The following FHIP2A variants were observed in gnomAD, a reference collection of about 807,000 sequenced individuals.
FHIP2A encodes family with sequence similarity 160 member B1.
In FHIP2A, 46 loss-of-function variants were observed where a neutral mutation model predicts 93.5. That is an observed-to-expected ratio of 0.49 (90% confidence interval 0.39 to 0.63). The LOEUF (loss-of-function observed/expected upper bound fraction) is 0.63, where lower values mean the gene tolerates loss of function less well. Ranked by LOEUF, FHIP2A falls within the 20% of genes least tolerant of loss-of-function variation. The pLI is 0.00. For synonymous variants in FHIP2A, 332 were observed against 326.5 expected, an observed-to-expected ratio of 1.02 and a Z score of -0.18; for missense variants, 769 against 909.7, an observed-to-expected ratio of 0.85 and a Z score of 1.99.
At chr10:114,870,145 C>G (rs1344615126) in intron 16 of FHIP2A, among the ~76,000 whole-genome samples, 2 of 152,152 alleles carry the variant, frequency 1.3e-5, no homozygotes, top group South Asian at 4.1e-4. Context: ...TGTTTTGGCC[C>G]TTCCTCCAGT....
At chr10:114,884,436 G>A (rs948475233) in intron 16 of FHIP2A, among the ~76,000 whole-genome samples, 8 of 152,174 alleles carry the variant, frequency 5.3e-5, no homozygotes, top group Non-Finnish European at 7.3e-5. Context: ...TAAGAACTTA[G>A]CAAATCACTT....
intron 14 of FHIP2A, among the ~76,000 whole-genome samples, chr10:114,858,232 A>G (rs1275249845): frequency 6.6e-6 from 1 of 152,228 alleles, no homozygotes; most frequent in Non-Finnish European, 1.5e-5. Flanking sequence ...GCTTGTTTTA[A>G]AGTTATTACC....
intron 16 of FHIP2A, among the ~76,000 whole-genome samples, chr10:114,877,993 C>T (rs930617791): frequency 6.6e-6 from 1 of 152,062 alleles, no homozygotes; most frequent in Non-Finnish European, 1.5e-5. Context: ...CCCCTACTCC[C>T]ACCTTCCCCC....
At chr10:114,852,968 A>T (rs1156258809) in intron 13 of FHIP2A, among the ~76,000 whole-genome samples, 1 of 152,212 alleles carries the variant, frequency 6.6e-6, no homozygotes, top group Non-Finnish European at 1.5e-5. Flanking sequence ...CAACATCCAG[A>T]TTAAATGCCA....
chr10:114,841,297 T>TG (rs1462911483), intron 5 of FHIP2A, among the ~76,000 whole-genome samples: 3 of 150,230 alleles, frequency 2.0e-5, no homozygotes, highest in African/African-American at 7.3e-5. Context: ...CATTGGTTTT[T>TG]TTTTTTTTTT....
chr10:114,858,564 G>A (rs533505518), intron 14 of FHIP2A, among the ~76,000 whole-genome samples: 18 of 148,018 alleles, frequency 1.2e-4, no homozygotes, highest in African/African-American at 4.2e-4. Flanking sequence ...GACTTAAGTT[G>A]TATTTTAAAT....
Position 114,846,600 on chromosome 10 carries a change from A to G in FHIP2A, c.1440A>G (p.Gln480=). The part of the protein sequence containing the change: ...MTLRMFEHLL[Q]KPNEHILYNL... ...TACGAATGTTTGAACATCTTTTACA[A>G]AAACCCAATGAGCACATTCTTTACA... Residue 480 remains glutamine, a synonymous_variant, in exon 11 of 17, where the codon CAA becomes CAG. Coordinates refer to ENST00000369248, the MANE Select transcript of FHIP2A (RefSeq NM_020940.4). 1 of 1,606,496 alleles carries G rather than the reference A, an allele frequency of 6.2e-7. No individual in the cohort carries two copies. Among genetic ancestry groups the G allele is most frequent in the Non-Finnish European group, 8.5e-7 (1 of 1,178,244 alleles).
chr10:114,897,437 G>A (rs2084006291), intron 16 of FHIP2A, among the ~76,000 whole-genome samples: 1 of 152,284 alleles, frequency 6.6e-6, no homozygotes, highest in South Asian at 2.1e-4. Context: ...GAAATTAAAT[G>A]TATGTTCAAA....
chr10:114,821,979 C>A lies in FHIP2A; in HGVS notation c.-100C>A. The stretch of plus-strand genomic sequence containing the variant: ...GTCCTCCCCGCCCCGCACCGGCCTT[C>A]ACTCTGGAGCGGCCCCGGCAGCCGC... On this transcript the variant is annotated 5_prime_UTR_variant, in exon 1 of 17. Coordinates refer to ENST00000369248, the MANE Select transcript of FHIP2A (RefSeq NM_020940.4). The A allele has an allele frequency of 1.4e-6, 1 of 694,202 alleles. No homozygotes were observed. The highest frequency in any genetic ancestry group is 2.0e-6 in the Non-Finnish European group (1 of 497,786). The allele number at this position is 694,202 out of a possible 1,614,324, so 43.0% of individuals were successfully genotyped here. A position where few individuals can be genotyped will look rare whatever the true frequency, so the allele number is the denominator to read the frequency against.
At chr10:114,893,340 T>A (rs2083985047) in intron 16 of FHIP2A, among the ~76,000 whole-genome samples, 1 of 152,216 alleles carries the variant, frequency 6.6e-6, no homozygotes, top group African/African-American at 2.4e-5. Context: ...AACCAGGTTT[T>A]AAACTCTATC....
intron 16 of FHIP2A, among the ~76,000 whole-genome samples, chr10:114,883,137 G>T (rs1422495777): frequency 2.0e-5 from 3 of 152,168 alleles, no homozygotes; most frequent in Non-Finnish European, 4.4e-5. Context: ...GGCCTTAGAG[G>T]TTAAAGATTT....
intron 16 of FHIP2A, among the ~76,000 whole-genome samples, chr10:114,889,001 A>G (rs1435512140): frequency 6.6e-6 from 1 of 152,090 alleles, no homozygotes; most frequent in Non-Finnish European, 1.5e-5. Flanking sequence ...TGAAGCATTC[A>G]GTGAAATCTA....
At chr10:114,885,859 G>A (rs1057042948) in intron 16 of FHIP2A, among the ~76,000 whole-genome samples, 1 of 152,176 alleles carries the variant, frequency 6.6e-6, no homozygotes, top group African/African-American at 2.4e-5. Flanking sequence ...AAAGCAATAG[G>A]CTTTGCAACC....
intron 1 of FHIP2A, among the ~76,000 whole-genome samples, chr10:114,825,713 G>A (rs534710616): frequency 6.6e-6 from 1 of 152,324 alleles, no homozygotes; most frequent in South Asian, 2.1e-4. Context: ...TAGTTCCGGG[G>A]TTAGATTGGA....
At chr10:114,854,174 C>T (rs2143012459) in intron 13 of FHIP2A, among the ~76,000 whole-genome samples, 1 of 148,718 alleles carries the variant, frequency 6.7e-6, no homozygotes, top group Middle Eastern at 3.5e-3. Context: ...CTGTCACAGA[C>T]CAACACTTTT....
intron 14 of FHIP2A, among the ~76,000 whole-genome samples, chr10:114,858,918 A>C (rs1234563622): frequency 6.6e-6 from 1 of 152,220 alleles, no homozygotes; most frequent in Non-Finnish European, 1.5e-5. Context: ...TGGATGTCCC[A>C]GTTACCCTAA....
chr10:114,878,011 T>G (rs1043780488), intron 16 of FHIP2A, among the ~76,000 whole-genome samples: 1 of 152,054 alleles, frequency 6.6e-6, no homozygotes, highest in Non-Finnish European at 1.5e-5. Context: ...CCCCAATATA[T>G]AGACTTCTCT....
rs2083694676 is a variant in FHIP2A, at chr10:114,845,371, G to A, written c.1018G>A (p.Asp340Asn). 6.3e-7 allele frequency: 1 copy of A among 1,585,368 alleles called. No homozygotes were observed. Among genetic ancestry groups the A allele is most frequent in the Non-Finnish European group, 8.7e-7 (1 of 1,154,792 alleles). Residue 340 changes from aspartate (D) to asparagine (N), a missense_variant, in exon 8 of 17, where the codon GAC becomes AAC. Physicochemically the swap from Asp to Asn is conservative, Grantham distance 23. Coordinates refer to ENST00000369248, the MANE Select transcript of FHIP2A (RefSeq NM_020940.4). ...ETVEAINWGL[D>N]SYSHKEDASA... ...CAATTCTTCCTTGTCTTACAGCTTGGACTCATATAGTCATAAAGAAGATGC... is the reference window on the plus strand; with the variant it reads ...CAATTCTTCCTTGTCTTACAGCTTGAACTCATATAGTCATAAAGAAGATGC...
rs7097137 is a variant in FHIP2A, at chr10:114,882,202, G to A, written c.2193-17288G>A. Among the ~76,000 whole-genome samples, 1,105 of 152,320 alleles carry A rather than the reference G, an allele frequency of 7.3e-3. 17 individuals are homozygous for A. The highest frequency in any genetic ancestry group is 0.026 in the African/African-American group (1,064 of 41,576). On this transcript the variant is annotated intron_variant, in intron 16 of 16. Transcript: ENST00000369250. ...CTGTTGCTCACCTCCAGAAGCTGGG[G>A]GAGCTTCAGCAGCCACCTAAGGCAG...
Sources: gnomAD v4.1 joint callset for allele counts (sites outside exome capture counted in the v4.1 genomes callset) on GRCh38, gnomAD v4.1.1 for gene constraint, MANE v1.5 for transcripts, NCBI Gene and HGNC (gene_info 2026-07-23, HGNC 2026-07-21) for gene names.